IL5RA: variants seen among roughly 807,000 people sequenced by gnomAD.
IL5RA encodes interleukin 5 receptor subunit alpha.
IL5RA carries 49 observed loss-of-function variants against 50.0 expected under a neutral mutation model. The observed-to-expected ratio is 0.98, with a 90% CI of 0.78 to 1.24. The LOEUF is 1.24. IL5RA is among the 50% of genes most tolerant of loss of function. The probability of loss-of-function intolerance (pLI) is 0.00; values close to 1 mark genes in which losing one functional copy is unlikely to be tolerated. For synonymous variants in IL5RA, 202 were observed against 174.0 expected (o/e 1.16, Z -1.26); for missense variants, 600 against 500.4 (o/e 1.20, Z -1.90).
intron 5 of IL5RA, among the ~76,000 whole-genome samples, chr3:3,100,114 T>G (rs1298401182): frequency 1.3e-5 from 2 of 152,194 alleles, no homozygotes; most frequent in African/African-American, 2.4e-5. Context: ...ACTGGCCTTG[T>G]TGGTGGTTGC....
chr3:3,089,295 CCTTGGGAACTCGGTAACTTAGCACG>C (rs890118340), intron 9 of IL5RA, among the ~76,000 whole-genome samples: 2 of 152,168 alleles, frequency 1.3e-5, no homozygotes, highest in African/African-American at 4.8e-5. Context: ...CGCTATTCTC[CCTTGGGAACTCGGTAACTTAGCACG>C]ACCAGCCCCC....
intron 11 of IL5RA, among the ~76,000 whole-genome samples, chr3:3,072,632 G>A (rs1702340492): frequency 6.6e-6 from 1 of 152,204 alleles, no homozygotes; most frequent in Non-Finnish European, 1.5e-5. Context: ...GCTTAAACTA[G>A]ATGTGGGCTG....
At chr3:3,072,262 C>G (rs1232172117) in intron 11 of IL5RA, among the ~76,000 whole-genome samples, 1 of 152,232 alleles carries the variant, frequency 6.6e-6, no homozygotes, top group African/African-American at 2.4e-5. Context: ...GGCAGTACTT[C>G]ATTTCTCCCA....
intron 11 of IL5RA, among the ~76,000 whole-genome samples, chr3:3,071,590 TGTGTGTA>T (rs1392137169): frequency 2.4e-5 from 3 of 124,772 alleles, no homozygotes; most frequent in African/African-American, 9.6e-5. Flanking sequence ...TGTGTGTGTG[TGTGTGTA>T]TTTTTTTTTT....
intron 9 of IL5RA, among the ~76,000 whole-genome samples, chr3:3,085,388 C>G (rs1263568754): frequency 6.6e-6 from 1 of 152,152 alleles, no homozygotes; most frequent in African/African-American, 2.4e-5. Flanking sequence ...TACAACATTT[C>G]CCTTTCATCT....
At chr3:3,085,326 A>G (rs375459054) in intron 9 of IL5RA, among the ~76,000 whole-genome samples, 1 of 152,198 alleles carries the variant, frequency 6.6e-6, no homozygotes, top group Non-Finnish European at 1.5e-5. Context: ...ACCTCAAAAG[A>G]GTTTTGCAAG....
rs138039594 is a variant in IL5RA at position 3,095,398 on chromosome 3, A to G, written c.756T>C (p.Thr252=). 8 of 1,612,224 alleles carry G rather than the reference A, an allele frequency of 5.0e-6. No homozygotes were observed. The African/African-American group carries it at 9.3e-5, about 19-fold the overall frequency. Reference sequence around the variant, plus strand: ...GTTTCTCCCATTGGATAGAGAGACGAGTTCCTTCAATCTCTGCTGTGACAT... The same window carrying G: ...GTTTCTCCCATTGGATAGAGAGACGGGTTCCTTCAATCTCTGCTGTGACAT... The part of the protein sequence containing the change: ...PLNVTAEIEG[T]RLSIQWEKPV... The change falls in exon 8 of 12, where the codon ACT becomes ACC. Residue 252 remains threonine, a synonymous_variant. Transcript: ENST00000446632.
chr3:3,101,439 A>G (rs1416586177), intron 5 of IL5RA, among the ~76,000 whole-genome samples: 1 of 152,226 alleles, frequency 6.6e-6, no homozygotes, highest in Non-Finnish European at 1.5e-5. Context: ...GACTCTAAGT[A>G]TCAGAAACAC....
intron 9 of IL5RA, among the ~76,000 whole-genome samples, chr3:3,079,300 C>G (rs2125957421): frequency 6.6e-6 from 1 of 152,300 alleles, no homozygotes; most frequent in African/African-American, 2.4e-5. Flanking sequence ...TCAAGGCTGA[C>G]AACATTCAAA....
intron 10 of IL5RA, among the ~76,000 whole-genome samples, chr3:3,076,114 A>T (rs1702473160): frequency 6.6e-6 from 1 of 152,084 alleles, no homozygotes; most frequent in South Asian, 2.1e-4. Flanking sequence ...TGGTGACTTG[A>T]TAGCTGAGGA....
At position 3,068,389 on chromosome 3, in the gene IL5RA, T is replaced by C. The variant is rs1277573980; in HGVS notation, c.*1836A>G. On this transcript the variant is annotated 3_prime_UTR_variant, in exon 12 of 12. Coordinates refer to ENST00000446632, the MANE Select transcript of IL5RA (RefSeq NM_175726.4). ...GAGTTCGAGATGAACCTAGACAGCATGGCAAAACCCCAGCTTTACAAAAAA... is the reference window on the plus strand; with the variant it reads ...GAGTTCGAGATGAACCTAGACAGCACGGCAAAACCCCAGCTTTACAAAAAA... 1.3e-5 allele frequency: 2 copies of C among 151,238 alleles called. No individual in the cohort carries two copies. The highest frequency in any genetic ancestry group is 2.1e-4 in the South Asian group (1 of 4,808). 9.4% of individuals were successfully genotyped at this position (151,238 alleles called of 1,614,324 possible).
rs553360361 is a variant in IL5RA at position 3,088,890 on chromosome 3, A to G, written c.994+3334T>C. Among the ~76,000 whole-genome samples the G allele has an allele frequency of 1.8e-4, 27 of 152,356 alleles. 1 individual carries two copies. The South Asian group carries it at 5.6e-3, about 32-fold the overall frequency. On this transcript the variant is annotated intron_variant, in intron 9 of 11. Transcript: ENST00000446632. ...AAAAAGAAGTCTATTGAATTCAAGTAACAAAAATTAAACTTCCACCTTAGG... is the reference window on the plus strand; with the variant it reads ...AAAAAGAAGTCTATTGAATTCAAGTGACAAAAATTAAACTTCCACCTTAGG...
intron 11 of IL5RA, 101 bp downstream of exon 11, chr3:3,074,681 A>T: frequency 3.0e-6 from 2 of 656,792 alleles, no homozygotes; most frequent in Non-Finnish European, 2.7e-6. Flanking sequence ...TTCTGAGTAA[A>T]AACCCTGCCT....
chr3:3,100,069 T>C (rs1023419475), intron 5 of IL5RA, among the ~76,000 whole-genome samples: 6 of 152,244 alleles, frequency 3.9e-5, no homozygotes, highest in African/African-American at 1.4e-4. Context: ...CGTTGCTGTA[T>C]TAACTGTTGG....
At chr3:3,105,962 T>C (rs1703901955) in intron 2 of IL5RA, among the ~76,000 whole-genome samples, 1 of 152,194 alleles carries the variant, frequency 6.6e-6, no homozygotes, top group Non-Finnish European at 1.5e-5. Context: ...TCCTCACTTT[T>C]ACAAAGGAGT....
In IL5RA at chr3:3,070,255, T is replaced by C. The variant is rs151180454; in HGVS notation, c.1233A>G (p.Gly411=). The C allele has an allele frequency of 6.8e-6, 11 of 1,613,378 alleles. No homozygotes were observed. The highest frequency in any genetic ancestry group is 3.3e-5 in the Admixed American group (2 of 59,958). ...ACACAGAATCCTCCAGGGTCTCAAC[T>C]CCAGGCTTCTCTATATAACAGATGA... The part of the protein sequence containing the change: ...IEVICYIEKP[G]VETLEDSVF The change falls in exon 12 of 12, where the codon GGA becomes GGG. Residue 411 remains glycine, a synonymous_variant. Transcript: ENST00000446632.
chr3:3,103,636 T>G (rs781586864), intron 3 of IL5RA, among the ~76,000 whole-genome samples: 1 of 152,216 alleles, frequency 6.6e-6, no homozygotes. Context: ...ATTCTCTGAC[T>G]TTGCTTTCAA....
intron 8 of IL5RA, 149 bp downstream of exon 8, chr3:3,095,150 G>T: frequency 1.6e-6 from 1 of 610,032 alleles, no homozygotes; most frequent in Non-Finnish European, 2.8e-6. Flanking sequence ...ATATCTATTT[G>T]GTTATATCTA....
At chr3:3,084,932 GT>G (rs1702796280) in intron 9 of IL5RA, among the ~76,000 whole-genome samples, 1 of 152,280 alleles carries the variant, frequency 6.6e-6, no homozygotes, top group South Asian at 2.1e-4. Context: ...GAGGCAGAAT[GT>G]ATGCCTAGAA....
Sources: gnomAD v4.1 joint callset for allele counts (sites outside exome capture counted in the v4.1 genomes callset) on GRCh38, gnomAD v4.1.1 for gene constraint, MANE v1.5 for transcripts, NCBI Gene and HGNC (gene_info 2026-07-23, HGNC 2026-07-21) for gene names.